FMN1: variants seen among roughly 807,000 people sequenced by gnomAD.
FMN1 encodes formin-1.
Under a neutral mutation model 132.4 loss-of-function variants are expected in FMN1, and 110 were observed. The ratio of observed to expected loss-of-function variants is 0.83; its 90% CI spans 0.71 to 0.97. FMN1 has a LOEUF of 0.97. Among genes scored for constraint, FMN1 ranks in the 50% least tolerant of loss-of-function variants. FMN1 has a pLI of 0.00. For synonymous variants in FMN1, 722 were observed against 651.7 expected, an observed-to-expected ratio of 1.11 and a Z score of -1.64; for missense variants, 1,792 against 1,705.3, an observed-to-expected ratio of 1.05 and a Z score of -0.90.
At chr15:32,799,360 GAATAATT>G (rs1397928425) in intron 18 of FMN1, among the ~76,000 whole-genome samples, 3 of 152,234 alleles carry the variant, frequency 2.0e-5, no homozygotes, top group Middle Eastern at 3.4e-3. Context: ...AGCTCATTGG[GAATAATT>G]AATCTGTCAA....
At chr15:32,776,677 C>A (rs995222141) in intron 20 of FMN1, among the ~76,000 whole-genome samples, 158 bp downstream of exon 20, 2 of 149,484 alleles carry the variant, frequency 1.3e-5, no homozygotes, top group African/African-American at 2.5e-5. Flanking sequence ...TGTACCTCCA[C>A]CCACACATAC....
chr15:33,065,557 A>G (rs1366838569), intron 5 of FMN1, among the ~76,000 whole-genome samples: 5 of 152,228 alleles, frequency 3.3e-5, no homozygotes, highest in Non-Finnish European at 5.9e-5. Context: ...CTATAAACGA[A>G]TGAATGAGAT....
intron 10 of FMN1, among the ~76,000 whole-genome samples, chr15:32,917,522 CTTCCT>C (rs1426518628): frequency 2.0e-5 from 3 of 152,222 alleles, no homozygotes; most frequent in African/African-American, 7.2e-5. Context: ...TTATTGGCAG[CTTCCT>C]CTGTACCAGG....
intron 9 of FMN1, among the ~76,000 whole-genome samples, chr15:32,932,544 T>C (rs138390768): frequency 7.6e-4 from 116 of 151,918 alleles, no homozygotes; most frequent in African/African-American, 2.6e-3. Flanking sequence ...ACCTCTTCAA[T>C]TTTTTGGAAG....
At chr15:33,080,168 G>A (rs575994713) in intron 5 of FMN1, among the ~76,000 whole-genome samples, 1 of 152,158 alleles carries the variant, frequency 6.6e-6, no homozygotes. Flanking sequence ...TAGCTTTAAG[G>A]GGTAGACTCT....
At chr15:32,987,502 G>T (rs2033143982) in intron 7 of FMN1, among the ~76,000 whole-genome samples, 1 of 152,120 alleles carries the variant, frequency 6.6e-6, no homozygotes, top group African/African-American at 2.4e-5. Context: ...CTTTCTGACT[G>T]CCTGTCCTTG....
intron 6 of FMN1, chr15:33,012,128 C>A (rs540647771): frequency 2.1e-6 from 1 of 471,950 alleles, no homozygotes; most frequent in Non-Finnish European, 3.9e-6. Context: ...CATGTCTGCA[C>A]ATCAGAGTCC....
At chr15:32,817,831 T>A (rs1375255655) in intron 17 of FMN1, among the ~76,000 whole-genome samples, 1 of 152,220 alleles carries the variant, frequency 6.6e-6, no homozygotes, top group Non-Finnish European at 1.5e-5. Flanking sequence ...ATAACTGTCA[T>A]CCTCAGAGAA....
intron 6 of FMN1, among the ~76,000 whole-genome samples, chr15:33,038,051 C>A (rs1450173418): frequency 6.6e-6 from 1 of 152,138 alleles, no homozygotes; most frequent in Non-Finnish European, 1.5e-5. Context: ...GGTAAAACCC[C>A]ATCTCTACTA....
At chr15:32,909,193 C>T (rs913068349) in intron 11 of FMN1, among the ~76,000 whole-genome samples, 1 of 152,212 alleles carries the variant, frequency 6.6e-6, no homozygotes, top group Non-Finnish European at 1.5e-5. Context: ...CACAAAGCAT[C>T]TGGAAGGTAC....
chr15:33,096,223 A>G (rs2039080054), intron 4 of FMN1, among the ~76,000 whole-genome samples: 1 of 152,196 alleles, frequency 6.6e-6, no homozygotes, highest in East Asian at 1.9e-4. Context: ...ACAGCTGTAT[A>G]ATCTTAGTTC....
intron 7 of FMN1, among the ~76,000 whole-genome samples, chr15:32,984,568 A>ATGT (rs2032931693): frequency 3.9e-5 from 6 of 152,216 alleles, no homozygotes; most frequent in Non-Finnish European, 8.8e-5. Context: ...ACTCTGAGTA[A>ATGT]CAATGAAGGA....
At chr15:32,900,532 T>C (rs936329683) in intron 13 of FMN1, among the ~76,000 whole-genome samples, 10 of 152,306 alleles carry the variant, frequency 6.6e-5, no homozygotes, top group African/African-American at 2.4e-4. Flanking sequence ...CAGGACTATT[T>C]ATCTAGATAA....
intron 9 of FMN1, among the ~76,000 whole-genome samples, chr15:32,963,174 T>A (rs2030786563): frequency 6.6e-6 from 1 of 151,116 alleles, no homozygotes; most frequent in African/African-American, 2.4e-5. Flanking sequence ...TAAAAAATGA[T>A]GAGTTCACGT....
chr15:32,985,806 G>A (rs879518430), intron 7 of FMN1, among the ~76,000 whole-genome samples: 9 of 152,082 alleles, frequency 5.9e-5, no homozygotes, highest in Non-Finnish European at 1.0e-4. Flanking sequence ...GGGCCCAGAT[G>A]ACAGTCGATC....
At chr15:33,097,374 C>T (rs925374157) in intron 4 of FMN1, among the ~76,000 whole-genome samples, 4 of 151,218 alleles carry the variant, frequency 2.6e-5, no homozygotes, top group African/African-American at 4.9e-5. Flanking sequence ...GAAGTATTGG[C>T]TTCAATTTTC....
intron 17 of FMN1, among the ~76,000 whole-genome samples, chr15:32,836,076 G>A (rs752912607): frequency 3.3e-5 from 5 of 151,978 alleles, no homozygotes; most frequent in South Asian, 2.1e-4. Flanking sequence ...GCCCAGGCTC[G>A]TCTTGAACTC....
intron 9 of FMN1, among the ~76,000 whole-genome samples, chr15:32,946,525 G>A (rs2061515122): frequency 6.6e-6 from 1 of 152,152 alleles, no homozygotes; most frequent in East Asian, 1.9e-4. Flanking sequence ...ATTGCAACAA[G>A]GGAATAGCCT....
At chr15:33,134,652 T>A (rs2140235408) in intron 4 of FMN1, among the ~76,000 whole-genome samples, 1 of 152,316 alleles carries the variant, frequency 6.6e-6, no homozygotes, top group Non-Finnish European at 1.5e-5. Context: ...AGAACTATGA[T>A]CCTACAAGTT....
Sources: gnomAD v4.1 joint callset for allele counts (sites outside exome capture counted in the v4.1 genomes callset) on GRCh38, gnomAD v4.1.1 for gene constraint, MANE v1.5 for transcripts, NCBI Gene and HGNC (gene_info 2026-07-23, HGNC 2026-07-21) for gene names.